TRHDE: variants seen among roughly 807,000 people sequenced by gnomAD.
TRHDE encodes the protein thyrotropin releasing hormone degrading enzyme.
A neutral mutation model predicts 125.7 loss-of-function variants in TRHDE; 72 were observed. The ratio of observed to expected loss-of-function variants is 0.57; its 90% CI spans 0.47 to 0.70. The LOEUF is 0.70. Among genes scored for constraint, TRHDE ranks in the 30% least tolerant of loss-of-function variants. TRHDE has a pLI of 0.00. For missense variants in TRHDE, 1,110 were observed against 1,327.1 expected, an observed-to-expected ratio of 0.84 and a Z score of 2.54; for synonymous variants, 509 against 509.1, an observed-to-expected ratio of 1.00 and a Z score of 0.00.
intron 2 of TRHDE, among the ~76,000 whole-genome samples, chr12:72,294,815 G>A (rs941993487): frequency 2.6e-5 from 4 of 152,014 alleles, no homozygotes; most frequent in African/African-American, 9.7e-5. Context: ...GCTCCACCTT[G>A]GCTTCCCTCC....
At chr12:72,496,672 A>G (rs1401419920) in intron 5 of TRHDE, among the ~76,000 whole-genome samples, 1 of 152,186 alleles carries the variant, frequency 6.6e-6, no homozygotes, top group South Asian at 2.1e-4. Flanking sequence ...AGCCTGTAAG[A>G]TAAAACTATT....
chr12:72,430,584 G>A (rs1874434699), intron 3 of TRHDE, among the ~76,000 whole-genome samples: 1 of 151,498 alleles, frequency 6.6e-6, no homozygotes, highest in African/African-American at 2.4e-5. Flanking sequence ...CCATAAATAT[G>A]AGGATTGTTT....
intron 5 of TRHDE, among the ~76,000 whole-genome samples, chr12:72,483,632 T>C (rs910543114): frequency 6.6e-6 from 1 of 151,966 alleles, no homozygotes. Flanking sequence ...ATAAATATAA[T>C]AGTTTACTTT....
At chr12:72,454,680 TC>T (rs1278268911) in intron 3 of TRHDE, among the ~76,000 whole-genome samples, 1 of 152,178 alleles carries the variant, frequency 6.6e-6, no homozygotes, top group Admixed American at 6.5e-5. Flanking sequence ...AGTCTGTGAT[TC>T]CCAAACTTTA....
intron 2 of TRHDE, among the ~76,000 whole-genome samples, chr12:72,249,781 C>A (rs773304860): frequency 5.9e-5 from 9 of 152,014 alleles, no homozygotes; most frequent in Non-Finnish European, 1.2e-4. Flanking sequence ...TCCAGTCATT[C>A]CACTTCTAGT....
In TRHDE at chr12:72,433,348, T is replaced by C. The variant is rs192940391; in HGVS notation, c.1316-36410T>C. On this transcript the variant is annotated intron_variant, in intron 3 of 18. Transcript: ENST00000261180. ...GAATTTTCTATTTGTGAAGAACTGA[T>C]ATTAATTCTTTAAACATCTGGTCCA... 4.0e-3 allele frequency among the ~76,000 whole-genome samples: 613 copies of C among 152,256 alleles called. 2 individuals carry two copies. Among genetic ancestry groups the C allele is most frequent in the African/African-American group, 0.013 (558 of 41,550 alleles).
intron 2 of TRHDE, among the ~76,000 whole-genome samples, chr12:72,334,522 A>C (rs915178401): frequency 6.6e-6 from 1 of 152,180 alleles, no homozygotes; most frequent in Admixed American, 6.5e-5. Context: ...TTTTACAGGA[A>C]ATTTCTTTTA....
At position 72,207,034 on chromosome 12, in the gene TRHDE, A is replaced by C. The variant is rs560995458; in HGVS notation, n.279+101282A>C. Among the ~76,000 whole-genome samples, 11 of 152,258 alleles carry C rather than the reference A, an allele frequency of 7.2e-5. No individual in the cohort carries two copies. The South Asian group carries it at 2.3e-3, about 32-fold the overall frequency. ...TTAGTGTTATACACTAAGGTTCTCA[A>C]CATTTTCTATTACAGCTTGCTAAAG... On this transcript the variant is annotated intron_variant and non_coding_transcript_variant, in intron 2 of 4. Transcript: ENST00000548156.
At chr12:72,168,142 TTTG>T (rs1876793588) in intron 2 of TRHDE, among the ~76,000 whole-genome samples, 1 of 152,160 alleles carries the variant, frequency 6.6e-6, no homozygotes, top group South Asian at 2.1e-4. Context: ...TGGAGATTGT[TTTG>T]TTGTTTGGAA....
intron 1 of TRHDE, among the ~76,000 whole-genome samples, chr12:72,275,774 C>T (rs1345109483): frequency 6.6e-6 from 1 of 152,036 alleles, no homozygotes; most frequent in Non-Finnish European, 1.5e-5. Context: ...TTTCTTGTAC[C>T]CCTAGTGCGT....
chr12:72,142,465 T>G (rs1876133649), intron 2 of TRHDE, among the ~76,000 whole-genome samples: 1 of 152,218 alleles, frequency 6.6e-6, no homozygotes, highest in South Asian at 2.1e-4. Context: ...TGGGGTAACT[T>G]GGGGTGACTT....
At chr12:72,410,585 T>A (rs1873453230) in intron 3 of TRHDE, among the ~76,000 whole-genome samples, 1 of 152,160 alleles carries the variant, frequency 6.6e-6, no homozygotes, top group South Asian at 2.1e-4. Flanking sequence ...TCAATCAGTA[T>A]AAATTAGCAT....
chr12:72,377,447 G>C (rs1871940315), intron 2 of TRHDE, among the ~76,000 whole-genome samples: 1 of 152,020 alleles, frequency 6.6e-6, no homozygotes, highest in South Asian at 2.1e-4. Flanking sequence ...TTCCAGAATG[G>C]TGATTGCTTG....
chr12:72,093,363 T>G (rs1874836376), intron 1 of TRHDE, among the ~76,000 whole-genome samples: 1 of 152,226 alleles, frequency 6.6e-6, no homozygotes, highest in Non-Finnish European at 1.5e-5. Context: ...GATGTTTAGA[T>G]TCCTCCCAAG....
At chr12:72,659,539 T>A (rs1407857753) in intron 18 of TRHDE, among the ~76,000 whole-genome samples, 1 of 152,196 alleles carries the variant, frequency 6.6e-6, no homozygotes, top group East Asian at 1.9e-4. Context: ...ATTCTATTCA[T>A]TTACATAGTT....
intron 3 of TRHDE, among the ~76,000 whole-genome samples, chr12:72,379,418 G>C (rs1177059503): frequency 6.6e-6 from 1 of 152,082 alleles, no homozygotes; most frequent in Non-Finnish European, 1.5e-5. Flanking sequence ...GTTAGAATCT[G>C]TTATACTTAA....
At chr12:72,616,486 T>C (rs1262637120) in intron 12 of TRHDE, among the ~76,000 whole-genome samples, 1 of 152,094 alleles carries the variant, frequency 6.6e-6, no homozygotes, top group African/African-American at 2.4e-5. Context: ...AGATAAATTA[T>C]TTGCCTAATT....
intron 2 of TRHDE, among the ~76,000 whole-genome samples, chr12:72,369,940 T>C (rs936419063): frequency 1.3e-5 from 2 of 152,144 alleles, no homozygotes; most frequent in East Asian, 3.9e-4. Context: ...GAAGATTTAC[T>C]CTCTATGTTA....
chr12:72,589,145 A>G (rs1352542291), intron 12 of TRHDE, among the ~76,000 whole-genome samples: 1 of 152,324 alleles, frequency 6.6e-6, no homozygotes, highest in South Asian at 2.1e-4. Flanking sequence ...GCACCCTGGT[A>G]GCCTCTGGAG....
Sources: gnomAD v4.1 joint callset for allele counts (sites outside exome capture counted in the v4.1 genomes callset) on GRCh38, gnomAD v4.1.1 for gene constraint, MANE v1.5 for transcripts, NCBI Gene and HGNC (gene_info 2026-07-23, HGNC 2026-07-21) for gene names.